The following CFAP54 variants were observed in gnomAD, a reference collection of about 807,000 sequenced individuals.
CFAP54 encodes the protein cilia- and flagella-associated protein 54.
A neutral mutation model predicts 370.4 loss-of-function variants in CFAP54; 290 were observed. That is an observed-to-expected ratio of 0.78 (90% confidence interval 0.71 to 0.86). The LOEUF is 0.86. Ranked by LOEUF, CFAP54 falls within the 40% of genes least tolerant of loss-of-function variation. The pLI, the probability that CFAP54 is intolerant of heterozygous loss-of-function variation, is 0.00. For missense variants in CFAP54, 3,399 were observed against 3,528.7 expected, an observed-to-expected ratio of 0.96 and a Z score of 0.93; for synonymous variants, 1,206 against 1,236.5, an observed-to-expected ratio of 0.98 and a Z score of 0.52.
intron 63 of CFAP54, among the ~76,000 whole-genome samples, chr12:96,794,587 T>C (rs1958738332): frequency 1.3e-5 from 2 of 152,160 alleles, no homozygotes; most frequent in African/African-American, 4.8e-5. Context: ...TTCCAGGCTT[T>C]GTCATTGTTT....
At chr12:96,822,691 T>C (rs1331043434) in intron 65 of CFAP54, among the ~76,000 whole-genome samples, 2 of 152,180 alleles carry the variant, frequency 1.3e-5, no homozygotes, top group East Asian at 1.9e-4. Flanking sequence ...TCCCAAACCA[T>C]TGAAAATAAT....
chr12:96,512,555 C>A (rs542530451), intron 4 of CFAP54, among the ~76,000 whole-genome samples: 1 of 151,798 alleles, frequency 6.6e-6, no homozygotes, highest in Admixed American at 6.6e-5. Context: ...ATTGGACAGG[C>A]TGGTCTTGAG....
chr12:96,635,991 C>T (rs942398435), intron 32 of CFAP54, among the ~76,000 whole-genome samples: 1 of 152,078 alleles, frequency 6.6e-6, no homozygotes, highest in Admixed American at 6.5e-5. Flanking sequence ...CCCTCCCCTC[C>T]AGGAGGTGGG....
At chr12:96,509,846 A>G (rs955666749) in intron 4 of CFAP54, among the ~76,000 whole-genome samples, 1 of 151,540 alleles carries the variant, frequency 6.6e-6, no homozygotes, top group Non-Finnish European at 1.5e-5. Flanking sequence ...GGGTATATGG[A>G]TATTAAGTAA....
chr12:96,706,392 C>A (rs1186911290), intron 47 of CFAP54, among the ~76,000 whole-genome samples: 1 of 151,868 alleles, frequency 6.6e-6, no homozygotes, highest in East Asian at 1.9e-4. Context: ...GCTAAAGGTG[C>A]AAGTCATATG....
intron 47 of CFAP54, 108 bp from the exon 48 acceptor site, chr12:96,708,500 C>T (rs2136590942): frequency 3.4e-6 from 3 of 892,554 alleles, no homozygotes; most frequent in South Asian, 1.8e-5. Flanking sequence ...ATGCCCAGCC[C>T]TATATCCCTT....
At chr12:96,495,438 C>T (rs994350713) in intron 1 of CFAP54, among the ~76,000 whole-genome samples, 1 of 151,344 alleles carries the variant, frequency 6.6e-6, no homozygotes, top group Non-Finnish European at 1.5e-5. Context: ...GCCTCAGCCT[C>T]GTTGGTAGCT....
At chr12:96,693,046 A>G (rs1957402944) in intron 44 of CFAP54, among the ~76,000 whole-genome samples, 1 of 152,192 alleles carries the variant, frequency 6.6e-6, no homozygotes, top group African/African-American at 2.4e-5. Context: ...ATAAGCCTTC[A>G]CATATATCCA....
chr12:96,499,849 G>C (rs1404574672), intron 1 of CFAP54, among the ~76,000 whole-genome samples: 1 of 152,180 alleles, frequency 6.6e-6, no homozygotes, highest in Non-Finnish European at 1.5e-5. Flanking sequence ...GGGAGGCTGA[G>C]GAAGGAGAAT....
chr12:96,795,735 A>G (rs756411028), intron 63 of CFAP54, among the ~76,000 whole-genome samples: 1 of 152,066 alleles, frequency 6.6e-6, no homozygotes, highest in Non-Finnish European at 1.5e-5. Context: ...CAGGACTTTC[A>G]GGTTTCGAGC....
chr12:96,744,050 C>T lies in CFAP54; in HGVS notation c.7588C>T (p.Arg2530Cys), dbSNP rs1592737770. Residue 2530 changes from arginine to cysteine, a missense_variant, in exon 55 of 68, where the codon CGT becomes TGT. By Grantham distance (180) the Arg-to-Cys change is radical (BLOSUM62 -3). Coordinates refer to ENST00000524981, the MANE Select transcript of CFAP54 (RefSeq NM_001306084.2). ...MLAFGETIEF[R>C]SSNTKYANPL... ...AGCTTTTGGAGAAACAATTGAATTTCGTTCATCAAACACTAAATATGCAAA... is the reference window on the plus strand; with the variant it reads ...AGCTTTTGGAGAAACAATTGAATTTTGTTCATCAAACACTAAATATGCAAA... The T allele has an allele frequency of 4.3e-6, 7 of 1,610,108 alleles. No individual in the cohort carries two copies. Among genetic ancestry groups the T allele is most frequent in the Middle Eastern group, 1.7e-4 (1 of 6,046 alleles).
intron 17 of CFAP54, among the ~76,000 whole-genome samples, chr12:96,563,056 C>T (rs1396168055): frequency 6.6e-6 from 1 of 151,966 alleles, no homozygotes. Context: ...AGAAACTAGC[C>T]CATGATTCTC....
chr12:96,620,956 A>G (rs1438215012), intron 26 of CFAP54, among the ~76,000 whole-genome samples: 1 of 152,228 alleles, frequency 6.6e-6, no homozygotes, highest in Non-Finnish European at 1.5e-5. Context: ...GTGGTGGAAG[A>G]TTACTTTAGA....
intron 51 of CFAP54, among the ~76,000 whole-genome samples, chr12:96,741,354 A>C (rs894957782): frequency 2.3e-4 from 35 of 151,942 alleles, no homozygotes; most frequent in Admixed American, 1.3e-4. Context: ...TTTAGTAGAG[A>C]GTTTCACCAT....
intron 45 of CFAP54, among the ~76,000 whole-genome samples, chr12:96,699,381 C>T (rs1957468245): frequency 6.6e-6 from 1 of 152,196 alleles, no homozygotes; most frequent in Non-Finnish European, 1.5e-5. Context: ...TCCCTATTCT[C>T]CTGCCTCATA....
intron 19 of CFAP54, 25 bp downstream of exon 19, chr12:96,564,790 T>C (rs768714367): frequency 2.3e-5 from 13 of 565,448 alleles, no homozygotes; most frequent in Non-Finnish European, 3.7e-5. Flanking sequence ...TTTCTTCTTT[T>C]AATCCTGACA....
chr12:96,765,301 G>C lies in CFAP54; in HGVS notation c.8281+83G>C, dbSNP rs188616147. ...AGTTTCAAAGATTTAATTGTAATTT[G>C]TTGGCTTTTAGCTTAGATGGGATAA... is the stretch of plus-strand genomic sequence containing the variant. On this transcript the variant is annotated intron_variant, in intron 60 of 67. Transcript: ENST00000524981. The C allele has an allele frequency of 5.5e-6, 7 of 1,279,296 alleles. No homozygotes were observed. The East Asian group carries it at 7.7e-5, about 14-fold the overall frequency. The allele number at this position is 1,279,296 out of a possible 1,614,324, so 79.2% of individuals were successfully genotyped here. A position where few individuals can be genotyped will look rare whatever the true frequency, so the allele number is the denominator to read the frequency against.
chr12:96,535,581 G>C lies in CFAP54; in HGVS notation c.1772G>C (p.Cys591Ser). The C allele has an allele frequency of 6.5e-7, 1 of 1,535,170 alleles. No homozygotes were observed. Among genetic ancestry groups the C allele is most frequent in the South Asian group, 1.2e-5 (1 of 83,892 alleles). The change falls in exon 12 of 68, where the codon TGT (cysteine) becomes TCT (serine). Residue 591 changes from cysteine to serine, a missense_variant. By Grantham distance (112) the Cys-to-Ser change is moderately radical. This residue lies in a region of CFAP54 where 2,796 missense variants were observed against 2,869.7 expected (regional missense o/e 0.97). Coordinates refer to ENST00000524981, the MANE Select transcript of CFAP54 (RefSeq NM_001306084.2). ...CATTTGGCAGCAACCTTGTATGTCT[G>C]TGTCTGCACTGCTCCCCAGGTGAAA... ...IFHLAATLYV[C>S]VCTAPQDVQP...
chr12:96,839,059 G>A (rs1484164331), intron 66 of CFAP54, among the ~76,000 whole-genome samples: 1 of 152,184 alleles, frequency 6.6e-6, no homozygotes, highest in African/African-American at 2.4e-5. Context: ...ATGTCCCTGA[G>A]AGAGAGTTAG....
Sources: allele counts gnomAD v4.1 joint callset (sites outside exome capture counted in the v4.1 genomes callset), GRCh38; gene constraint gnomAD v4.1.1; regional missense constraint gnomAD v4.1.1; transcripts MANE v1.5; gene names NCBI Gene and HGNC (gene_info 2026-07-23, HGNC 2026-07-21).